The following EBF1 variants were observed in gnomAD, a reference collection of about 807,000 sequenced individuals.
EBF1 encodes transcription factor COE1.
EBF1 carries 10 observed loss-of-function variants against 68.4 expected under a neutral mutation model. The ratio of observed to expected loss-of-function variants is 0.15; its 90% CI spans 0.09 to 0.25. The LOEUF is 0.25. Among genes scored for constraint, EBF1 ranks in the 10% least tolerant of loss-of-function variants. EBF1 has a pLI of 1.00. For missense variants in EBF1, 509 were observed against 794.4 expected, an observed-to-expected ratio of 0.64 and a Z score of 4.32; for synonymous variants, 298 against 299.8, an observed-to-expected ratio of 0.99 and a Z score of 0.06.
intron 6 of EBF1, among the ~76,000 whole-genome samples, chr5:159,051,393 C>T (rs1463052929): frequency 4.7e-4 from 61 of 129,724 alleles, no homozygotes; most frequent in Non-Finnish European, 8.8e-4. Flanking sequence ...GGCCCCGCCT[C>T]GGGCCGCATT....
intron 6 of EBF1, among the ~76,000 whole-genome samples, chr5:159,000,803 A>G (rs1701088983): frequency 6.6e-6 from 1 of 152,182 alleles, no homozygotes; most frequent in African/African-American, 2.4e-5. Flanking sequence ...CCAATGAGTG[A>G]TGTTACAAAA....
chr5:158,756,378 G>T (rs1452309243), intron 10 of EBF1, among the ~76,000 whole-genome samples: 1 of 151,856 alleles, frequency 6.6e-6, no homozygotes, highest in Non-Finnish European at 1.5e-5. Flanking sequence ...CTAGATCAAT[G>T]GATTTGTTTT....
At chr5:158,930,032 G>A (rs978617319) in intron 6 of EBF1, among the ~76,000 whole-genome samples, 20 of 152,274 alleles carry the variant, frequency 1.3e-4, no homozygotes, top group Middle Eastern at 3.4e-3. Context: ...GCAATTCAGC[G>A]TGCTGTTAAA....
At chr5:159,031,010 T>C (rs1768701318) in intron 6 of EBF1, among the ~76,000 whole-genome samples, 2 of 152,014 alleles carry the variant, frequency 1.3e-5, no homozygotes, top group Non-Finnish European at 2.9e-5. Flanking sequence ...CCATATCTAC[T>C]AAAAATACAA....
chr5:159,013,032 T>A (rs1487196521), intron 6 of EBF1, among the ~76,000 whole-genome samples: 1 of 152,080 alleles, frequency 6.6e-6, no homozygotes, highest in Non-Finnish European at 1.5e-5. Flanking sequence ...CCTCTAGAAG[T>A]GTGAGGAAAT....
chr5:159,004,532 TAGTAGGTA>T (rs1453530758), intron 6 of EBF1, among the ~76,000 whole-genome samples: 1 of 106,300 alleles, frequency 9.4e-6, no homozygotes, highest in African/African-American at 3.3e-5. Flanking sequence ...GACAGAGAGG[TAGTAGGTA>T]GGTAGGTAGG....
intron 6 of EBF1, among the ~76,000 whole-genome samples, chr5:158,898,786 A>G (rs1474589951): frequency 6.6e-6 from 1 of 152,238 alleles, no homozygotes; most frequent in African/African-American, 2.4e-5. Flanking sequence ...AAGTTGCCAC[A>G]CAATCCAACA....
chr5:159,064,944 C>T (rs1404220791), intron 6 of EBF1, among the ~76,000 whole-genome samples: 6 of 106,574 alleles, frequency 5.6e-5, no homozygotes, highest in African/African-American at 1.8e-4. Context: ...AGAGTATGTG[C>T]GTGTGTGTAT....
intron 6 of EBF1, among the ~76,000 whole-genome samples, chr5:158,852,267 G>T (rs1793102737): frequency 6.6e-6 from 1 of 151,918 alleles, no homozygotes; most frequent in Non-Finnish European, 1.5e-5. Context: ...AGGATGAAAA[G>T]TATTTTGAAA....
intron 1 of EBF1, chr5:159,097,411 T>G: frequency 2.1e-6 from 1 of 478,810 alleles, no homozygotes. Context: ...GATGAAACTC[T>G]ATAAGCATTT....
intron 6 of EBF1, among the ~76,000 whole-genome samples, chr5:158,904,345 C>T (rs569661982): frequency 6.6e-6 from 1 of 152,196 alleles, no homozygotes; most frequent in Admixed American, 6.5e-5. Flanking sequence ...GTGCTGCCAC[C>T]TTTGCCTCTG....
At chr5:158,997,953 A>G (rs1040408084) in intron 6 of EBF1, among the ~76,000 whole-genome samples, 1 of 152,058 alleles carries the variant, frequency 6.6e-6, no homozygotes, top group Non-Finnish European at 1.5e-5. Context: ...TGTTCTCTCT[A>G]CTGTAAATGG....
chr5:159,024,255 C>T (rs1038743015), intron 6 of EBF1, among the ~76,000 whole-genome samples: 4 of 152,238 alleles, frequency 2.6e-5, no homozygotes, highest in African/African-American at 4.8e-5. Flanking sequence ...GAAGACTCTT[C>T]CTGAGAATAG....
rs1409444784 is a variant in EBF1 at position 158,751,641 on chromosome 5, C to T, written c.1037-20484G>A. Among the ~76,000 whole-genome samples the T allele has an allele frequency of 2.6e-5, 4 of 152,206 alleles. No homozygotes were observed. In the East Asian group the frequency reaches 5.8e-4, roughly 22 times the overall value. On this transcript the variant is annotated intron_variant, in intron 10 of 15. Transcript: ENST00000313708. The stretch of plus-strand genomic sequence containing the variant: ...AAATGCTTAATCTATGTCTCAGTCT[C>T]CTTACCTGTTGAATCAGGACAGTCA...
chr5:158,890,678 G>C (rs111591070), intron 6 of EBF1, among the ~76,000 whole-genome samples: 8,186 of 152,070 alleles, frequency 0.054, 285 homozygotes, highest in Non-Finnish European at 0.071. Flanking sequence ...GTCCTTCCCC[G>C]AAGCCCCCGC....
At chr5:158,914,507 C>G (rs770752576) in intron 6 of EBF1, among the ~76,000 whole-genome samples, 1 of 152,136 alleles carries the variant, frequency 6.6e-6, no homozygotes, top group South Asian at 2.1e-4. Flanking sequence ...CAGCCGGCAA[C>G]CTTAATGCCT....
In EBF1 at chr5:158,969,902, AAG is replaced by A. The variant is rs1387934081; in HGVS notation, c.554+103492_554+103493del. 5.0e-5 allele frequency among the ~76,000 whole-genome samples: 6 copies of A among 119,016 alleles called. 1 individual carries two copies. The highest frequency in any genetic ancestry group is 1.1e-4 in the Non-Finnish European group (6 of 53,578). 78.1% of individuals were successfully genotyped at this position (119,016 alleles called of 152,430 possible). On this transcript the variant is annotated intron_variant, in intron 6 of 15. Coordinates refer to ENST00000313708, the MANE Select transcript of EBF1 (RefSeq NM_024007.5). Reference sequence around the variant, plus strand: ...AAAGAAAGAAAGAAAGAAAGAAAGAAAGAAAGAAAGAAAGAAAAAAAAAAAAA... The same window carrying A: ...AAAGAAAGAAAGAAAGAAAGAAAGAAAAAGAAAGAAAGAAAAAAAAAAAAA...
intron 6 of EBF1, among the ~76,000 whole-genome samples, chr5:159,028,746 T>C (rs1464875202): frequency 1.3e-5 from 2 of 152,090 alleles, no homozygotes; most frequent in South Asian, 2.1e-4. Context: ...GATGGTTGGA[T>C]GGAAGGTTGG....
chr5:158,917,990 C>A (rs1416487293), intron 6 of EBF1, among the ~76,000 whole-genome samples: 1 of 152,080 alleles, frequency 6.6e-6, no homozygotes, highest in African/African-American at 2.4e-5. Flanking sequence ...AGGAACACTG[C>A]CCAGAACACT....
Sources: gnomAD v4.1 joint callset for allele counts (sites outside exome capture counted in the v4.1 genomes callset) on GRCh38, gnomAD v4.1.1 for gene constraint, MANE v1.5 for transcripts, NCBI Gene and HGNC (gene_info 2026-07-23, HGNC 2026-07-21) for gene names.